ALOXE3: variants seen among roughly 807,000 people sequenced by gnomAD.
ALOXE3 encodes the protein arachidonate epidermal lipoxygenase 3, also known as hydroperoxide isomerase ALOXE3.
ALOXE3 carries 78 observed loss-of-function variants against 87.5 expected under a neutral mutation model. The observed-to-expected ratio is 0.89, with a 90% CI of 0.74 to 1.08. The LOEUF (loss-of-function observed/expected upper bound fraction) is 1.08, where lower values mean the gene tolerates loss of function less well. Among genes scored for constraint, ALOXE3 ranks in the 50% least tolerant of loss-of-function variants. ALOXE3 has a pLI of 0.00. For missense variants in ALOXE3, 946 were observed against 912.4 expected (o/e 1.04, Z -0.47); for synonymous variants, 363 against 370.8 (o/e 0.98, Z 0.24).
intron 13 of ALOXE3, among the ~76,000 whole-genome samples, chr17:8,106,526 C>T (rs1351816292): frequency 6.6e-6 from 1 of 151,986 alleles, no homozygotes; most frequent in Non-Finnish European, 1.5e-5. Context: ...AAAAACAAAA[C>T]ATGAGCAAAA....
At chr17:8,103,731 C>T (rs142999922) in intron 14 of ALOXE3, among the ~76,000 whole-genome samples, 81 of 151,902 alleles carry the variant, frequency 5.3e-4, no homozygotes, top group African/African-American at 1.8e-3. Flanking sequence ...TGTCACTCCC[C>T]GCCCAGTGTT....
chr17:8,098,080 GT>G (rs200374541), intron 15 of ALOXE3, among the ~76,000 whole-genome samples: 1 of 151,950 alleles, frequency 6.6e-6, no homozygotes, highest in African/African-American at 2.4e-5. Flanking sequence ...TCTTTTTCTC[GT>G]TTTGTTGCAT....
At chr17:8,104,020 C>A in intron 14 of ALOXE3, 95 bp downstream of exon 14, 1 of 1,075,752 alleles carries the variant, frequency 9.3e-7, no homozygotes, top group Non-Finnish European at 1.4e-6. Context: ...ATAAACCCAC[C>A]CCAACGCTGA....
At chr17:8,100,685 T>C (rs1244216733) in intron 15 of ALOXE3, among the ~76,000 whole-genome samples, 2 of 152,190 alleles carry the variant, frequency 1.3e-5, no homozygotes, top group Admixed American at 1.3e-4. Flanking sequence ...ACAGGCATGG[T>C]CATGCACACT....
At chr17:8,113,192 C>T (rs1295785087) in intron 6 of ALOXE3, among the ~76,000 whole-genome samples, 1 of 152,200 alleles carries the variant, frequency 6.6e-6, no homozygotes, top group South Asian at 2.1e-4. Flanking sequence ...TCCATGAACA[C>T]ATGCCTTGGA....
At chr17:8,103,212 G>T (rs2151831087) in intron 15 of ALOXE3, 111 bp downstream of exon 15, 2 of 1,277,360 alleles carry the variant, frequency 1.6e-6, no homozygotes, top group African/African-American at 1.5e-5. Flanking sequence ...AGGCAGTTCT[G>T]CAGTGAACAT....
chr17:8,106,535 A>G (rs910984376), intron 13 of ALOXE3, among the ~76,000 whole-genome samples: 1 of 152,152 alleles, frequency 6.6e-6, no homozygotes, highest in Non-Finnish European at 1.5e-5. Flanking sequence ...ACATGAGCAA[A>G]AACAAAAAAT....
At chr17:8,114,884 G>A (rs1048286290) in intron 5 of ALOXE3, 54 bp downstream of exon 5, 76 of 1,611,758 alleles carry the variant, frequency 4.7e-5, no homozygotes, top group Middle Eastern at 1.6e-4. Flanking sequence ...CCATCCTCCC[G>A]ACAGACCTTC....
rs141814242 is a variant in ALOXE3 at position 8,112,161 on chromosome 17, C to T, written c.716G>A (p.Arg239His). 2.7e-5 allele frequency: 44 copies of T among 1,613,998 alleles called. No homozygotes were observed. Among genetic ancestry groups the T allele is most frequent in the Middle Eastern group, 3.3e-4 (2 of 6,080 alleles). The change falls in exon 7 of 16, where the codon CGC (arginine) becomes CAC (histidine). Residue 239 changes from arginine (R) to histidine (H), a missense_variant. Coordinates refer to ENST00000448843, the MANE Select transcript of ALOXE3 (RefSeq NM_021628.3). ...ATCCAGCTTCTTCCAGGAGCCCTTG[C>T]GATCCAACAGCCCTCGAAGCTTCAT... ...LGMKLRGLLD[R>H]KGSWKKLDDM...
At position 8,118,008 on chromosome 17, in the gene ALOXE3, G is replaced by T; in HGVS notation, c.-18C>A. 2.5e-6 allele frequency: 4 copies of T among 1,609,156 alleles called. No individual in the cohort carries two copies. The highest frequency in any genetic ancestry group is 3.4e-6 in the Non-Finnish European group (4 of 1,179,376). On this transcript the variant is annotated 5_prime_UTR_variant, in exon 2 of 16. Coordinates refer to ENST00000448843, the MANE Select transcript of ALOXE3 (RefSeq NM_021628.3). Reference sequence around the variant, plus strand: ...ACTGCCATGATGGGAAGGAGGAAGGGATGCCCCGGCAACGCTGGCCGCAGC... The same window carrying T: ...ACTGCCATGATGGGAAGGAGGAAGGTATGCCCCGGCAACGCTGGCCGCAGC...
intron 2 of ALOXE3, 78 bp downstream of exon 2, chr17:8,117,766 G>A (rs1307077468): frequency 1.9e-6 from 3 of 1,554,660 alleles, no homozygotes; most frequent in Non-Finnish European, 2.6e-6. Context: ...AGGATCTCAA[G>A]AGTCCAGGAG....
At chr17:8,107,806 AAAAC>A (rs1358700360) in intron 13 of ALOXE3, among the ~76,000 whole-genome samples, 1 of 92,726 alleles carries the variant, frequency 1.1e-5, no homozygotes, top group East Asian at 2.2e-4. Context: ...CTCAAAAAAA[AAAAC>A]AAGAAAGAAA....
intron 13 of ALOXE3, among the ~76,000 whole-genome samples, chr17:8,107,862 A>G (rs868386101): frequency 5.5e-3 from 16 of 2,934 alleles, no homozygotes; most frequent in Non-Finnish European, 9.5e-3. Flanking sequence ...AGAAAGAAAG[A>G]AAGAAAGAAA....
At chr17:8,118,465 G>T in intron 1 of ALOXE3, 21 bp downstream of exon 1, 8 of 1,548,828 alleles carry the variant, frequency 5.2e-6, no homozygotes, top group Non-Finnish European at 7.0e-6. Flanking sequence ...CCATTCCCAG[G>T]CAGAGATGAG....
chr17:8,114,776 C>G (rs1980435551), intron 5 of ALOXE3, among the ~76,000 whole-genome samples, 162 bp downstream of exon 5: 1 of 152,106 alleles, frequency 6.6e-6, no homozygotes, highest in Non-Finnish European at 1.5e-5. Flanking sequence ...TCACTCTTGT[C>G]CCCTGTGCCA....
chr17:8,117,832 C>G lies in ALOXE3; in HGVS notation c.147+12G>C. The G allele has an allele frequency of 6.2e-7, 1 of 1,609,486 alleles. No homozygotes were observed. The highest frequency in any genetic ancestry group is 8.5e-7 in the Non-Finnish European group (1 of 1,178,996). ...CTCTGAGGTCGCGCTTCCCTGTCTCCTTTGTACTCACCGATCCAGGGGCGA... is the reference window on the plus strand; with the variant it reads ...CTCTGAGGTCGCGCTTCCCTGTCTCGTTTGTACTCACCGATCCAGGGGCGA... On this transcript the variant is annotated intron_variant, in intron 2 of 15. Transcript: ENST00000448843.
At chr17:8,118,651 C>T, upstream of ALOXE3, 1 of 1,537,286 alleles carries the variant, frequency 6.5e-7, no homozygotes, top group Non-Finnish European at 8.7e-7. Flanking sequence ...ACACCGATCC[C>T]CCCACGCATG....
In ALOXE3 at chr17:8,096,271, T is replaced by G. The variant is rs3809882; in HGVS notation, c.*356A>C. 0.44 allele frequency: 99,659 copies of G among 227,746 alleles called. 23,041 individuals are homozygous for G. The highest frequency in any genetic ancestry group is 0.65 in the East Asian group (5,939 of 9,180). 14.1% of individuals were successfully genotyped at this position (227,746 alleles called of 1,614,324 possible). A position where few individuals can be genotyped will look rare whatever the true frequency, so the allele number is the denominator to read the frequency against. Reference sequence around the variant, plus strand: ...ATGGTAGGAGAAGGAGTTTGGGGATTGGGGAGGATGAGGGAGAAAAGCTCA... The same window carrying G: ...ATGGTAGGAGAAGGAGTTTGGGGATGGGGGAGGATGAGGGAGAAAAGCTCA... On this transcript the variant is annotated 3_prime_UTR_variant, in exon 16 of 16. Coordinates refer to ENST00000448843, the MANE Select transcript of ALOXE3 (RefSeq NM_021628.3).
chr17:8,110,811 G>C (rs578143421), intron 8 of ALOXE3, among the ~76,000 whole-genome samples: 4 of 152,272 alleles, frequency 2.6e-5, no homozygotes, highest in African/African-American at 9.6e-5. Context: ...TCTCAACTCA[G>C]ATGGAATCCC....
Sources: allele counts gnomAD v4.1 joint callset (sites outside exome capture counted in the v4.1 genomes callset), GRCh38; gene constraint gnomAD v4.1.1; transcripts MANE v1.5; gene names NCBI Gene and HGNC (gene_info 2026-07-23, HGNC 2026-07-21).